APBA1: variants seen among roughly 807,000 people sequenced by gnomAD.
APBA1 encodes amyloid-beta A4 precursor protein-binding family A member 1.
In APBA1, 55 loss-of-function variants were observed where a neutral mutation model predicts 86.6. That is an observed-to-expected ratio of 0.64 (90% CI 0.51 to 0.80). APBA1 has a LOEUF of 0.80. APBA1 is among the 30% of genes least tolerant of loss of function. APBA1 has a pLI of 0.00. For missense variants in APBA1, 1,090 were observed against 1,183.0 expected, an observed-to-expected ratio of 0.92 and a Z score of 1.15; for synonymous variants, 511 against 493.9, an observed-to-expected ratio of 1.03 and a Z score of -0.46.
chr9:69,505,598 A>G (rs1411100035), intron 2 of APBA1, among the ~76,000 whole-genome samples: 7 of 152,240 alleles, frequency 4.6e-5, no homozygotes, highest in African/African-American at 9.6e-5. Flanking sequence ...CACACCACTT[A>G]AAGTAGCCAA....
In APBA1 at chr9:69,456,326, T is replaced by G; in HGVS notation, c.1709A>C (p.Glu570Ala). 6.2e-7 allele frequency: 1 copy of G among 1,614,188 alleles called. No individual in the cohort carries two copies. The highest frequency in any genetic ancestry group is 8.5e-7 in the Non-Finnish European group (1 of 1,180,026). Residue 570 changes from glutamate (E) to alanine (A), a missense_variant, in exon 8 of 13, where the codon GAG (glutamate) becomes GCG (alanine). Glu to Ala is a moderately radical substitution (Grantham distance 107). Transcript: ENST00000265381. Reference protein sequence around the residue: ...RRRMPRSNSQENVEASHPSQD... With the variant: ...RRRMPRSNSQANVEASHPSQD... ...GGATGGGTGGGACGCTTCCACGTTC[T>G]CCTGGGAGTTGGAGCGAGGCATCCG...
intron 1 of APBA1, among the ~76,000 whole-genome samples, chr9:69,647,520 C>A (rs750945536): frequency 2.0e-5 from 3 of 152,228 alleles, no homozygotes; most frequent in African/African-American, 7.2e-5. Context: ...AAATCTTACA[C>A]ATAATTGCTA....
chr9:69,587,678 C>T (rs561053436), intron 1 of APBA1, among the ~76,000 whole-genome samples: 92 of 152,214 alleles, frequency 6.0e-4, no homozygotes, highest in African/African-American at 2.0e-3. Context: ...TACTTCCCCA[C>T]GACCCACCTT....
intron 6 of APBA1, 109 bp from the exon 7 acceptor site, chr9:69,457,248 C>A: frequency 1.3e-6 from 1 of 780,850 alleles, no homozygotes; most frequent in Non-Finnish European, 2.2e-6. Context: ...GTCACCAGAA[C>A]AGCAATACAG....
rs1036887809 is a variant in APBA1 at position 69,427,837 on chromosome 9, C to A, written c.*3490G>T. On this transcript the variant is annotated 3_prime_UTR_variant, in exon 13 of 13. Coordinates refer to ENST00000265381, the MANE Select transcript of APBA1 (RefSeq NM_001163.4). ...ACAAAGAACGATATTGTTACAAATA[C>A]AATACTATACTTCTCCCGACACTTT... The A allele has an allele frequency of 3.9e-5, 6 of 152,002 alleles. No homozygotes were observed. Among genetic ancestry groups the A allele is most frequent in the Admixed American group, 1.3e-4 (2 of 15,270 alleles). 9.4% of individuals were successfully genotyped at this position (152,002 alleles called of 1,614,324 possible). A position where few individuals can be genotyped will look rare whatever the true frequency, so the allele number is the denominator to read the frequency against.
intron 1 of APBA1, among the ~76,000 whole-genome samples, chr9:69,635,458 G>GA (rs200322440): frequency 0.013 from 1,926 of 151,652 alleles, 23 homozygotes; most frequent in African/African-American, 0.039. Flanking sequence ...AATACAGCCA[G>GA]AAAAAAACAA....
At chr9:69,671,119 G>A (rs1231399783) in intron 1 of APBA1, among the ~76,000 whole-genome samples, 1 of 152,098 alleles carries the variant, frequency 6.6e-6, no homozygotes, top group Non-Finnish European at 1.5e-5. Flanking sequence ...TAGCCATAAG[G>A]TTTTCAGTGC....
In APBA1 at chr9:69,506,030, AAAG is replaced by A. The variant is rs773349816; in HGVS notation, c.1200+9978_1200+9980del. 2.4e-3 allele frequency among the ~76,000 whole-genome samples: 369 copies of A among 151,832 alleles called. 1 individual carries two copies. Among genetic ancestry groups the A allele is most frequent in the Admixed American group, 3.8e-3 (58 of 15,288 alleles). ...CAAGACTCCATCTAAAAAAAAAGAA[AAAG>A]AAGAAAAAAAAAAGAAAAGGAGGAG... is the stretch of plus-strand genomic sequence containing the variant. On this transcript the variant is annotated intron_variant, in intron 2 of 12. Coordinates refer to ENST00000265381, the MANE Select transcript of APBA1 (RefSeq NM_001163.4).
chr9:69,617,098 C>T (rs1325663955), intron 1 of APBA1, among the ~76,000 whole-genome samples: 1 of 152,114 alleles, frequency 6.6e-6, no homozygotes, highest in African/African-American at 2.4e-5. Context: ...CCTGTCCAAC[C>T]TCAGACTGGT....
Position 69,458,980 on chromosome 9 carries a change from T to C in APBA1, c.1483-792A>G, listed in dbSNP as rs578067213. Among the ~76,000 whole-genome samples, 177 of 152,290 alleles carry C rather than the reference T, an allele frequency of 1.2e-3. 1 individual carries two copies. The highest frequency in any genetic ancestry group is 4.2e-3 in the African/African-American group (175 of 41,570). ...CGCCACCACGCCTGGCTAGTTTTTG[T>C]ATTTTTTAGTAGAGATGGGGTTTCT... is the stretch of plus-strand genomic sequence containing the variant. On this transcript the variant is annotated intron_variant, in intron 5 of 12. Coordinates refer to ENST00000265381, the MANE Select transcript of APBA1 (RefSeq NM_001163.4).
chr9:69,595,309 T>A (rs1822206270), intron 1 of APBA1, among the ~76,000 whole-genome samples: 1 of 152,190 alleles, frequency 6.6e-6, no homozygotes, highest in South Asian at 2.1e-4. Context: ...TTAGTTTCCA[T>A]GGGAATCTGT....
intron 1 of APBA1, among the ~76,000 whole-genome samples, chr9:69,587,683 C>T (rs1822048146): frequency 6.6e-6 from 1 of 152,112 alleles, no homozygotes; most frequent in Admixed American, 6.6e-5. Context: ...CCCCACGACC[C>T]ACCTTTGGTA....
In APBA1 at chr9:69,498,241, C is replaced by A. The variant is rs186163966; in HGVS notation, c.1200+17770G>T. Among the ~76,000 whole-genome samples, 51 of 152,134 alleles carry A rather than the reference C, an allele frequency of 3.4e-4. 1 individual carries two copies. The stretch of plus-strand genomic sequence containing the variant: ...AAGCAAGATGCCAAGTGTCAGACAG[C>A]CCATGTAGCAGAGAACTGAGGACAC... On this transcript the variant is annotated intron_variant, in intron 2 of 12. Transcript: ENST00000265381.
intron 1 of APBA1, among the ~76,000 whole-genome samples, chr9:69,554,938 A>G (rs980269995): frequency 6.6e-6 from 1 of 152,242 alleles, no homozygotes; most frequent in Non-Finnish European, 1.5e-5. Flanking sequence ...CATTCATCGC[A>G]GACATAACAG....
intron 2 of APBA1, among the ~76,000 whole-genome samples, chr9:69,514,627 G>C (rs1397875849): frequency 6.6e-6 from 1 of 151,682 alleles, no homozygotes; most frequent in South Asian, 2.1e-4. Flanking sequence ...TGCAGAAACC[G>C]GCCAGGTGCT....
chr9:69,466,802 A>C (rs1835287415), intron 5 of APBA1, among the ~76,000 whole-genome samples: 1 of 152,228 alleles, frequency 6.6e-6, no homozygotes, highest in African/African-American at 2.4e-5. Context: ...ACCAGGGTGC[A>C]ACCTGGGAGT....
chr9:69,497,535 G>A lies in APBA1; in HGVS notation c.1200+18476C>T, dbSNP rs183804388. ...AGGTCACTCTCCATCCCCAAAGTCC[G>A]AGAGTATCATCAGCACACTGCTTGA... On this transcript the variant is annotated intron_variant, in intron 2 of 12. Coordinates refer to ENST00000265381, the MANE Select transcript of APBA1 (RefSeq NM_001163.4). 5.3e-5 allele frequency among the ~76,000 whole-genome samples: 8 copies of A among 152,246 alleles called. No individual in the cohort carries two copies. The East Asian group carries it at 1.4e-3, about 26-fold the overall frequency.
chr9:69,656,280 C>A (rs1823610784), intron 1 of APBA1, among the ~76,000 whole-genome samples: 1 of 152,082 alleles, frequency 6.6e-6, no homozygotes, highest in Non-Finnish European at 1.5e-5. Flanking sequence ...TGAGTATATA[C>A]CCTACAGAAA....
At chr9:69,611,913 T>C (rs1822599218) in intron 1 of APBA1, among the ~76,000 whole-genome samples, 3 of 152,320 alleles carry the variant, frequency 2.0e-5, no homozygotes, top group Non-Finnish European at 4.4e-5. Context: ...ATTAGTTAAG[T>C]AAATAATTAA....
Sources: allele counts gnomAD v4.1 joint callset (sites outside exome capture counted in the v4.1 genomes callset), GRCh38; gene constraint gnomAD v4.1.1; transcripts MANE v1.5; gene names NCBI Gene and HGNC (gene_info 2026-07-23, HGNC 2026-07-21).